The following IPCEF1 variants were observed in gnomAD, a reference collection of about 807,000 sequenced individuals.
IPCEF1 encodes interaction protein for cytohesin exchange factors 1, also known as interactor protein for cytohesin exchange factors 1.
A neutral mutation model predicts 50.9 loss-of-function variants in IPCEF1; 31 were observed. The ratio of observed to expected loss-of-function variants is 0.61; its 90% CI spans 0.46 to 0.82. The LOEUF (loss-of-function observed/expected upper bound fraction) is 0.82. Ranked by LOEUF, IPCEF1 falls within the 40% of genes least tolerant of loss-of-function variation. The probability of loss-of-function intolerance (pLI) is 0.00; values close to 1 mark genes in which losing one functional copy is unlikely to be tolerated. For synonymous variants in IPCEF1, 181 were observed against 192.0 expected (o/e 0.94, Z 0.47); for missense variants, 458 against 514.0 (o/e 0.89, Z 1.05).
rs1230787037 is a variant in IPCEF1, at chr6:154,158,139, G to A, written c.*1689C>T. On this transcript the variant is annotated 3_prime_UTR_variant, in exon 12 of 12. Coordinates refer to ENST00000367220, the MANE Select transcript of IPCEF1 (RefSeq NM_001130700.2). ...ATTAAGGCTTCTTAGTAAAGCTTGG[G>A]GAACTATTCAACAACTATTTCCATT... 1 of 152,140 alleles carries A rather than the reference G, an allele frequency of 6.6e-6. No homozygotes were observed. Among genetic ancestry groups the A allele is most frequent in the African/African-American group, 2.4e-5 (1 of 41,416 alleles). 9.4% of individuals were successfully genotyped at this position (152,140 alleles called of 1,614,324 possible).
chr6:154,192,024 T>C (rs4637654), intron 10 of IPCEF1, among the ~76,000 whole-genome samples: 14,396 of 152,098 alleles, frequency 0.095, 1,076 homozygotes, highest in African/African-American at 0.21. Flanking sequence ...AGTAAAACAA[T>C]GGAGTACTAT....
At chr6:154,312,659 T>C (rs1783109574) in intron 1 of IPCEF1, among the ~76,000 whole-genome samples, 1 of 152,020 alleles carries the variant, frequency 6.6e-6, no homozygotes, top group African/African-American at 2.4e-5. Flanking sequence ...ATCAAAACTT[T>C]TATTTGGACA....
In IPCEF1 at chr6:154,288,691, A is replaced by C. The variant is rs1475490629; in HGVS notation, c.-18+1022T>G. Among the ~76,000 whole-genome samples, 125 of 117,692 alleles carry C rather than the reference A, an allele frequency of 1.1e-3. 2 individuals carry two copies. The highest frequency in any genetic ancestry group is 8.6e-3 in the South Asian group (34 of 3,952). The allele number at this position is 117,692 out of a possible 152,430, so 77.2% of individuals were successfully genotyped here. A position where few individuals can be genotyped will look rare whatever the true frequency, so the allele number is the denominator to read the frequency against. ...ACAAAAAAAACAAAAAAAAAAAAAA[A>C]AAAAAAAAAAAAAACTGTAAAAAGA... On this transcript the variant is annotated intron_variant, in intron 2 of 11. Transcript: ENST00000367220.
intron 5 of IPCEF1, among the ~76,000 whole-genome samples, chr6:154,238,781 A>G (rs1780342691): frequency 6.6e-6 from 1 of 151,894 alleles, no homozygotes; most frequent in Admixed American, 6.6e-5. Flanking sequence ...CCTGGCCTCA[A>G]GTGATCCTCC....
intron 2 of IPCEF1, among the ~76,000 whole-genome samples, chr6:154,282,047 T>C (rs1782226791): frequency 2.0e-5 from 3 of 152,048 alleles, no homozygotes; most frequent in Admixed American, 2.0e-4. Flanking sequence ...CACATGTCTG[T>C]AATCCCAGCT....
At chr6:154,317,048 T>C (rs1783237776) in intron 1 of IPCEF1, among the ~76,000 whole-genome samples, 1 of 152,066 alleles carries the variant, frequency 6.6e-6, no homozygotes, top group African/African-American at 2.4e-5. Flanking sequence ...TTTGTGATCT[T>C]GGGGTAGGCA....
At chr6:154,268,864 A>G (rs1233334926) in intron 2 of IPCEF1, among the ~76,000 whole-genome samples, 1 of 150,356 alleles carries the variant, frequency 6.7e-6, no homozygotes, top group African/African-American at 2.5e-5. Flanking sequence ...TAATTTTTCA[A>G]CTCTCTGACA....
chr6:154,315,670 A>G (rs1783197597), intron 1 of IPCEF1, among the ~76,000 whole-genome samples: 1 of 152,190 alleles, frequency 6.6e-6, no homozygotes, highest in Non-Finnish European at 1.5e-5. Context: ...GGGAGCTGAT[A>G]GTCACACTAG....
intron 3 of IPCEF1, among the ~76,000 whole-genome samples, chr6:154,258,959 T>C (rs1324039921): frequency 6.6e-6 from 1 of 152,248 alleles, no homozygotes; most frequent in African/African-American, 2.4e-5. Flanking sequence ...TTTTCCTTCA[T>C]ATGATGCCTT....
chr6:154,180,415 T>TATATATATATATATATATATA (rs1491475267), intron 10 of IPCEF1, among the ~76,000 whole-genome samples: 4 of 29,334 alleles, frequency 1.4e-4, no homozygotes, highest in African/African-American at 5.3e-4. Context: ...TATATATATA[T>TATATATATATATATATATATA]TTTTTTTTTA....
At position 154,302,507 on chromosome 6, in the gene IPCEF1, CTG is replaced by C. The variant is rs373127564; in HGVS notation, c.-61-12753_-61-12752del. On this transcript the variant is annotated intron_variant, in intron 1 of 11. Coordinates refer to ENST00000367220, the MANE Select transcript of IPCEF1 (RefSeq NM_001130700.2). ...TCTTTAGTGGGGGAAGGGGGTTTTG[CTG>C]TGTCTCCCAGGATGGAGTGCAGTGG... is the stretch of plus-strand genomic sequence containing the variant. Among the ~76,000 whole-genome samples the C allele has an allele frequency of 5.9e-5, 9 of 152,182 alleles. No individual in the cohort carries two copies. The East Asian group carries it at 9.6e-4, about 16-fold the overall frequency.
At chr6:154,320,769 G>A (rs1783352020) in intron 1 of IPCEF1, among the ~76,000 whole-genome samples, 1 of 152,172 alleles carries the variant, frequency 6.6e-6, no homozygotes. Context: ...CTACTTGGGA[G>A]ACTAATGTGG....
chr6:154,288,520 C>T (rs879392159), intron 2 of IPCEF1, among the ~76,000 whole-genome samples: 5 of 151,724 alleles, frequency 3.3e-5, no homozygotes, highest in Non-Finnish European at 5.9e-5. Context: ...AAAATTAACC[C>T]GGTGTGGCGG....
At chr6:154,185,498 G>A (rs1801260379) in intron 10 of IPCEF1, among the ~76,000 whole-genome samples, 1 of 152,218 alleles carries the variant, frequency 6.6e-6, no homozygotes, top group African/African-American at 2.4e-5. Flanking sequence ...ATGGTTAAAG[G>A]TCTAGTTTGT....
intron 11 of IPCEF1, among the ~76,000 whole-genome samples, chr6:154,161,327 C>T (rs1048324723): frequency 6.6e-6 from 1 of 151,846 alleles, no homozygotes; most frequent in Admixed American, 6.6e-5. Flanking sequence ...TCTCCTGCAT[C>T]AACCTCCCAA....
chr6:154,290,128 A>AAG (rs1260372841), intron 1 of IPCEF1, among the ~76,000 whole-genome samples: 1 of 152,196 alleles, frequency 6.6e-6, no homozygotes, highest in African/African-American at 2.4e-5. Context: ...GCTTCCTGAT[A>AAG]AGATCTCAGG....
chr6:154,351,095 G>A (rs763693320), intron 1 of IPCEF1, among the ~76,000 whole-genome samples: 6 of 152,134 alleles, frequency 3.9e-5, no homozygotes, highest in Non-Finnish European at 7.3e-5. Flanking sequence ...TGCTTGTAGC[G>A]CAAAACTATC....
chr6:154,222,960 T>C, intron 6 of IPCEF1: 4 of 586,806 alleles, frequency 6.8e-6, no homozygotes, highest in Non-Finnish European at 9.2e-6. Flanking sequence ...GTGGGGGTTT[T>C]AAAATCCATC....
chr6:154,248,999 G>A (rs1294037849), intron 3 of IPCEF1, among the ~76,000 whole-genome samples: 4 of 151,964 alleles, frequency 2.6e-5, no homozygotes, highest in South Asian at 2.1e-4. Flanking sequence ...TATTTCCTGG[G>A]AAATATAGAT....
Sources: gnomAD v4.1 joint callset for allele counts (sites outside exome capture counted in the v4.1 genomes callset) on GRCh38, gnomAD v4.1.1 for gene constraint, MANE v1.5 for transcripts, NCBI Gene and HGNC (gene_info 2026-07-23, HGNC 2026-07-21) for gene names.